Variants in ZNF723 observed in about 807,000 individuals in gnomAD.
The protein encoded by ZNF723 is zinc finger protein 723.
Under a neutral mutation model 9.4 loss-of-function variants are expected in ZNF723, and 5 were observed. The ratio of observed to expected loss-of-function variants is 0.53; its 90% CI spans 0.28 to 1.12. ZNF723 has a LOEUF of 1.12. ZNF723 is among the 50% of genes most tolerant of loss of function. ZNF723 has a pLI of 0.10. For synonymous variants in ZNF723, 158 were observed against 168.8 expected (o/e 0.94, Z 0.49); for missense variants, 450 against 501.5 (o/e 0.90, Z 0.98).
chr19:22,848,407 A>C lies in ZNF723; in HGVS notation c.130+20A>C. On this transcript the variant is annotated intron_variant, in intron 2 of 3. Transcript: ENST00000600766. ...TCCTGGGTGAGAATAACTTCAATAC[A>C]CAATCCTCAGATACTGTAAATGTTT... 7.4e-7 allele frequency: 1 copy of C among 1,344,706 alleles called. No individual in the cohort carries two copies. Among genetic ancestry groups the C allele is most frequent in the Non-Finnish European group, 1.0e-6 (1 of 954,204 alleles). 83.3% of individuals were successfully genotyped at this position (1,344,706 alleles called of 1,614,324 possible). A position where few individuals can be genotyped will look rare whatever the true frequency, so the allele number is the denominator to read the frequency against.
intron 3 of ZNF723, among the ~76,000 whole-genome samples, chr19:22,851,171 A>G (rs1238142113): frequency 3.3e-5 from 5 of 151,532 alleles, no homozygotes; most frequent in Non-Finnish European, 5.9e-5. Context: ...TTATTTATTT[A>G]TTTATTACTA....
chr19:22,845,941 A>C (rs1034997853), intron 1 of ZNF723, among the ~76,000 whole-genome samples: 1 of 139,396 alleles, frequency 7.2e-6, no homozygotes, highest in Non-Finnish European at 1.5e-5. Context: ...AACTGCGTCC[A>C]CTCTGCCTCG....
intron 1 of ZNF723, among the ~76,000 whole-genome samples, 158 bp from the exon 2 acceptor site, chr19:22,848,102 TA>T (rs35396612): frequency 0.11 from 15,215 of 137,132 alleles, 1,659 homozygotes; most frequent in African/African-American, 0.3. Context: ...GACTCTGTCT[TA>T]AAAAAAAAAA....
chr19:22,831,086 T>G (rs535422723), upstream of ZNF723, among the ~76,000 whole-genome samples: 2 of 152,156 alleles, frequency 1.3e-5, no homozygotes, highest in South Asian at 4.2e-4. Flanking sequence ...ACCCCTCCTA[T>G]ATCCATGCCC....
the ZNF723 span, among the ~76,000 whole-genome samples, chr19:22,825,427 C>A: frequency 6.6e-6 from 1 of 152,198 alleles, no homozygotes; most frequent in East Asian, 1.9e-4. Flanking sequence ...TTTTTACAGA[C>A]CTATTTGCCT....
rs577795733 is a variant in ZNF723 at position 22,856,478 on chromosome 19, T to G, written c.227-640T>G. On this transcript the variant is annotated intron_variant, in intron 3 of 3. Coordinates refer to ENST00000600766, the MANE Select transcript of ZNF723 (RefSeq NM_001349726.2). ...AAACAATTGTCTTGGTTAGAGATTT[T>G]GGGAGTCTATCAAACAGGTTCTTAT... Among the ~76,000 whole-genome samples, 5 of 152,334 alleles carry G rather than the reference T, an allele frequency of 3.3e-5. No individual in the cohort carries two copies. The South Asian group carries it at 1.0e-3, about 32-fold the overall frequency.
At chr19:22,812,730 C>A in the ZNF723 span, among the ~76,000 whole-genome samples, 54 of 152,198 alleles carry the variant, frequency 3.5e-4, no homozygotes, top group Middle Eastern at 3.4e-3. Flanking sequence ...GGTCCCAAGT[C>A]TCCCTCATGA....
upstream of ZNF723, among the ~76,000 whole-genome samples, chr19:22,830,279 C>T (rs935869947): frequency 1.3e-5 from 2 of 152,126 alleles, no homozygotes; most frequent in Admixed American, 6.5e-5. Context: ...TCACACAATC[C>T]TCCTGGTTCA....
the ZNF723 span, among the ~76,000 whole-genome samples, chr19:22,823,180 T>C: frequency 0.013 from 2,003 of 152,258 alleles, 38 homozygotes; most frequent in African/African-American, 0.046. Flanking sequence ...GAGTGGGTTG[T>C]GGCTCTCAGG....
chr19:22,858,341 G>T lies in ZNF723; in HGVS notation c.1450G>T (p.Glu484Ter). The stretch of plus-strand genomic sequence containing the variant: ...TGCTAGAGAGAAGCCTTACAAATGT[G>T]AAGAATGTGGCAAAGCCTTTAACAA... Reference protein sequence around the residue: ...IHAREKPYKCEECGKAFNKSS... With the variant: ...IHAREKPYKC The change falls in exon 4 of 4, where the codon GAA becomes TAA. Residue 484 changes from glutamate (E) to a stop codon, truncating the protein, a stop_gained. Coordinates refer to ENST00000600766, the MANE Select transcript of ZNF723 (RefSeq NM_001349726.2). LOFTEE classifies it low-confidence loss of function (END_TRUNC). 9.4e-7 allele frequency: 1 copy of T among 1,063,710 alleles called. No homozygotes were observed. 65.9% of individuals were successfully genotyped at this position (1,063,710 alleles called of 1,614,324 possible). A position where few individuals can be genotyped will look rare whatever the true frequency, so the allele number is the denominator to read the frequency against.
At chr19:22,820,460 GAAT>G in the ZNF723 span, among the ~76,000 whole-genome samples, 1 of 152,120 alleles carries the variant, frequency 6.6e-6, no homozygotes, top group Non-Finnish European at 1.5e-5. Context: ...TTCTCTCAGA[GAAT>G]ATTATAATAT....
At chr19:22,839,171 A>G (rs1967207267) in intron 1 of ZNF723, among the ~76,000 whole-genome samples, 1 of 152,026 alleles carries the variant, frequency 6.6e-6, no homozygotes, top group African/African-American at 2.4e-5. Flanking sequence ...CTTCTGTATT[A>G]TATTTTCTTT....
chr19:22,851,809 G>A (rs62120770), intron 3 of ZNF723, among the ~76,000 whole-genome samples: 15,993 of 151,764 alleles, frequency 0.11, 952 homozygotes, highest in Middle Eastern at 0.16. Context: ...TTTTTGAGAC[G>A]GAGTTTTGCT....
Position 22,858,162 on chromosome 19 carries a change from C to G in ZNF723, c.1271C>G (p.Pro424Arg), listed in dbSNP as rs767912286. The G allele has an allele frequency of 2.1e-6, 3 of 1,412,670 alleles. No individual in the cohort carries two copies. The highest frequency in any genetic ancestry group is 2.0e-6 in the Non-Finnish European group (2 of 998,702). 87.5% of individuals were successfully genotyped at this position (1,412,670 alleles called of 1,614,324 possible). The part of the protein sequence containing the change: ...THKIIHTGER[P>R]YKCKQCGKGF... The stretch of plus-strand genomic sequence containing the variant: ...AAGATAATTCATACTGGAGAAAGAC[C>G]TTACAAATGTAAACAATGTGGTAAA... The change falls in exon 4 of 4, where the codon CCT becomes CGT. Residue 424 changes from proline (P) to arginine (R), a missense_variant. Transcript: ENST00000600766.
rs1364147232 is a variant in ZNF723, at chr19:22,857,382, AGATAAGACATACTG to A, written c.494_507del (p.Ile165LysfsTer2). On this transcript the variant is annotated frameshift_variant, in exon 4 of 4. Coordinates refer to ENST00000600766, the MANE Select transcript of ZNF723 (RefSeq NM_001349726.2). LOFTEE classifies it low-confidence loss of function (END_TRUNC). ...AAATTTTCAAGTTCAAATAGCCAGA[AGATAAGACATACTG>A]GAAATAATTCTTTCAAATGTAAAGA... 2.4e-6 allele frequency: 2 copies of A among 838,528 alleles called. No homozygotes were observed. Among genetic ancestry groups the A allele is most frequent in the African/African-American group, 3.3e-5 (2 of 59,980 alleles). The allele number at this position is 838,528 out of a possible 1,614,324, so 51.9% of individuals were successfully genotyped here. A position where few individuals can be genotyped will look rare whatever the true frequency, so the allele number is the denominator to read the frequency against.
At chr19:22,821,432 T>TACAA in the ZNF723 span, among the ~76,000 whole-genome samples, 381 of 152,168 alleles carry the variant, frequency 2.5e-3, 3 homozygotes, top group African/African-American at 8.4e-3. Flanking sequence ...CCTGGGCCCT[T>TACAA]TACACAGGGT....
At chr19:22,815,122 A>T in the ZNF723 span, among the ~76,000 whole-genome samples, 1 of 151,982 alleles carries the variant, frequency 6.6e-6, no homozygotes, top group South Asian at 2.1e-4. Flanking sequence ...GAGAATTCTG[A>T]CATATCACTG....
At chr19:22,841,272 A>G (rs1967242187) in intron 1 of ZNF723, among the ~76,000 whole-genome samples, 1 of 152,220 alleles carries the variant, frequency 6.6e-6, no homozygotes, top group South Asian at 2.1e-4. Context: ...AATATAACCA[A>G]TAAGCTTACA....
chr19:22,836,307 C>T (rs1362173614), intron 1 of ZNF723, among the ~76,000 whole-genome samples: 2 of 152,242 alleles, frequency 1.3e-5, no homozygotes, highest in East Asian at 3.9e-4. Flanking sequence ...GAAAGGATCT[C>T]ACTGAAGATA....
Sources: gnomAD v4.1 joint callset for allele counts (sites outside exome capture counted in the v4.1 genomes callset) on GRCh38, gnomAD v4.1.1 for gene constraint, MANE v1.5 for transcripts, NCBI Gene and HGNC (gene_info 2026-07-23, HGNC 2026-07-21) for gene names.